The following SPATA13 variants were observed in gnomAD, a reference collection of about 807,000 sequenced individuals.
SPATA13 encodes spermatogenesis associated 13, also known as spermatogenesis-associated protein 13.
SPATA13 carries 50 observed loss-of-function variants against 104.0 expected under a neutral mutation model. That is an observed-to-expected ratio of 0.48 (90% CI 0.38 to 0.61). SPATA13 has a LOEUF of 0.61. SPATA13 is among the 20% of genes least tolerant of loss of function. The pLI is 0.00. For missense variants in SPATA13, 1,524 were observed against 1,690.6 expected, an observed-to-expected ratio of 0.90 and a Z score of 1.73; for synonymous variants, 606 against 667.5, an observed-to-expected ratio of 0.91 and a Z score of 1.42.
Position 24,088,862 on chromosome 13 carries a change from T to C in SPATA13, c.-112+71161T>C, listed in dbSNP as rs374323897. 1.6e-4 allele frequency among the ~76,000 whole-genome samples: 25 copies of C among 152,258 alleles called. No individual in the cohort carries two copies. The highest frequency in any genetic ancestry group is 1.4e-3 in the East Asian group (7 of 5,182). On this transcript the variant is annotated intron_variant, in intron 3 of 14. Transcript: ENST00000424834. This position sits in a 1 kb window ranked among gnomAD's most constrained non-coding sequence, Gnocchi z 4.3. ...GCTGAGGAGTGTCCCCAAGGCTGGCTCCAGGAAAGCGCAAGCAAGGGCTCC... is the reference window on the plus strand; with the variant it reads ...GCTGAGGAGTGTCCCCAAGGCTGGCCCCAGGAAAGCGCAAGCAAGGGCTCC...
chr13:24,253,402 C>T, intron 4 of SPATA13, among the ~76,000 whole-genome samples: 1 of 152,162 alleles, frequency 6.6e-6, no homozygotes, highest in East Asian at 1.9e-4. Context: ...CAGACACCTC[C>T]AAGTCTAGGA....
At chr13:24,216,237 T>C (rs1466411582) in intron 1 of SPATA13, among the ~76,000 whole-genome samples, 1 of 152,220 alleles carries the variant, frequency 6.6e-6, no homozygotes, top group Non-Finnish European at 1.5e-5. Context: ...TACACCAGCC[T>C]GACCTGCAAC....
chr13:24,040,431 T>C (rs1877875804), intron 3 of SPATA13, among the ~76,000 whole-genome samples: 2 of 152,134 alleles, frequency 1.3e-5, no homozygotes, highest in African/African-American at 2.4e-5. Context: ...CATTAGAGTA[T>C]GGAGTGTAGA....
chr13:24,194,149 G>C (rs2138557200), intron 1 of SPATA13, among the ~76,000 whole-genome samples: 1 of 152,246 alleles, frequency 6.6e-6, no homozygotes, highest in South Asian at 2.1e-4. Context: ...CAGACATTGA[G>C]ACACCTTGTA....
intron 3 of SPATA13, among the ~76,000 whole-genome samples, chr13:24,058,471 T>C (rs545142575): frequency 1.3e-5 from 2 of 151,992 alleles, no homozygotes; most frequent in East Asian, 3.9e-4. Flanking sequence ...GTGATTACTG[T>C]ATACGGGACA....
intron 1 of SPATA13, among the ~76,000 whole-genome samples, chr13:24,213,839 T>G (rs1871152218): frequency 6.6e-6 from 1 of 152,316 alleles, no homozygotes; most frequent in Admixed American, 6.5e-5. Context: ...AACAAGTGAC[T>G]TAAAAATTGA....
At chr13:24,251,658 G>GTGTGAGA in intron 3 of SPATA13, 60 bp from the exon 4 acceptor site, 1 of 1,597,430 alleles carries the variant, frequency 6.3e-7, no homozygotes, top group South Asian at 1.1e-5. Context: ...TGCGTGTGAG[G>GTGTGAGA]TGCTTGCAAG....
chr13:24,204,534 C>T (rs1306533481), intron 1 of SPATA13, among the ~76,000 whole-genome samples: 2 of 152,096 alleles, frequency 1.3e-5, no homozygotes, highest in African/African-American at 4.8e-5. Flanking sequence ...ACTATTACTA[C>T]CATTCATCTC....
chr13:24,170,824 G>T (rs1051692467), intron 1 of SPATA13, among the ~76,000 whole-genome samples: 1 of 152,092 alleles, frequency 6.6e-6, no homozygotes, highest in African/African-American at 2.4e-5. Context: ...TTTAGTCATT[G>T]AGAGACAATT....
At chr13:24,208,984 T>G (rs911390294) in intron 1 of SPATA13, among the ~76,000 whole-genome samples, 2 of 152,166 alleles carry the variant, frequency 1.3e-5, no homozygotes, top group African/African-American at 4.8e-5. Flanking sequence ...GATTGCTATG[T>G]TTTTGTTGTC....
In SPATA13 at chr13:24,026,816, ATCCGCCCTTG is replaced by A. The variant is rs1877238319; in HGVS notation, c.-112+9117_-112+9126del. 7.5e-4 allele frequency among the ~76,000 whole-genome samples: 6 copies of A among 7,966 alleles called. No homozygotes were observed. In the Admixed American group the frequency reaches 7.9e-3, roughly 11 times the overall value. 5.2% of individuals were successfully genotyped at this position (7,966 alleles called of 152,430 possible). ...ATGGTCTGGATCTCCTGACCTCGTG[ATCCGCCCTTG>A]TGATCCTGACCTTGTGACCTTTGCC... On this transcript the variant is annotated intron_variant, in intron 3 of 14. Coordinates refer to the SPATA13 transcript ENST00000424834.
intron 2 of SPATA13, among the ~76,000 whole-genome samples, chr13:24,014,118 A>G (rs932310069): frequency 1.3e-5 from 2 of 152,214 alleles, no homozygotes; most frequent in Non-Finnish European, 2.9e-5. Flanking sequence ...CCACAGGGTC[A>G]GCAGGGCCAT....
At chr13:24,171,483 T>C (rs1258139674) in intron 1 of SPATA13, among the ~76,000 whole-genome samples, 1 of 152,196 alleles carries the variant, frequency 6.6e-6, no homozygotes, top group Non-Finnish European at 1.5e-5. Flanking sequence ...CCACCTACAG[T>C]GTCCTGCAGA....
chr13:24,272,160 C>A (rs1874658541), intron 4 of SPATA13, among the ~76,000 whole-genome samples: 1 of 152,196 alleles, frequency 6.6e-6, no homozygotes, highest in South Asian at 2.1e-4. Flanking sequence ...GGGAGTGCAG[C>A]CAGCACGAAC....
intron 3 of SPATA13, among the ~76,000 whole-genome samples, chr13:24,147,225 G>A (rs964968506): frequency 6.6e-5 from 10 of 152,094 alleles, no homozygotes; most frequent in Non-Finnish European, 7.4e-5. Context: ...TGCATGTCTC[G>A]TACTTTAGGC....
chr13:24,082,891 G>T (rs1254165049), intron 3 of SPATA13, among the ~76,000 whole-genome samples: 1 of 114,672 alleles, frequency 8.7e-6, no homozygotes, highest in Non-Finnish European at 1.9e-5. Context: ...CATACAATAA[G>T]AAAAACTTCT....
chr13:24,257,173 A>T (rs1285064444), intron 4 of SPATA13, among the ~76,000 whole-genome samples: 1 of 152,170 alleles, frequency 6.6e-6, no homozygotes, highest in African/African-American at 2.4e-5. Context: ...TGTCTCTATT[A>T]TCCATTCCCC....
At chr13:24,157,289 C>CT (rs145430738), upstream of SPATA13, among the ~76,000 whole-genome samples, 67,773 of 151,206 alleles carry the variant, frequency 0.45, 16,537 homozygotes, top group Admixed American at 0.58. Context: ...ACTCCTTTTT[C>CT]TTTTTTTTCT....
At position 24,251,708 on chromosome 13, in the gene SPATA13, C is replaced by G. The variant is rs768120239; in HGVS notation, c.2020-10C>G. The G allele has an allele frequency of 1.2e-5, 19 of 1,613,140 alleles. 1 individual carries two copies. Among genetic ancestry groups the G allele is most frequent in the Middle Eastern group, 3.3e-4 (2 of 6,078 alleles). On this transcript the variant is annotated splice_polypyrimidine_tract_variant and intron_variant, in intron 3 of 12. Coordinates refer to ENST00000382108, the MANE Select transcript of SPATA13 (RefSeq NM_001166271.3). ...GGTACCTCCTCACAGATTTTGCTTT[C>G]TTTTTGCAGCCGGCTTCCAGGCCGC... is the stretch of plus-strand genomic sequence containing the variant.
Sources: allele counts gnomAD v4.1 joint callset (sites outside exome capture counted in the v4.1 genomes callset), GRCh38; gene constraint gnomAD v4.1.1; non-coding constraint Gnocchi (gnomAD v3.1); transcripts MANE v1.5; gene names NCBI Gene and HGNC (gene_info 2026-07-23, HGNC 2026-07-21).